Variants in UPRT observed in about 807,000 individuals in gnomAD.
UPRT encodes the protein RP11-311P8.3.
In UPRT, 5 loss-of-function variants were observed where a neutral mutation model predicts 22.6. The observed-to-expected ratio is 0.22, with a 90% CI of 0.12 to 0.47. UPRT has a LOEUF of 0.47. Ranked by LOEUF, UPRT falls within the 20% of genes least tolerant of loss-of-function variation. The probability of loss-of-function intolerance (pLI) is 0.99; values close to 1 mark genes in which losing one functional copy is unlikely to be tolerated. For synonymous variants in UPRT, 77 were observed against 87.7 expected, an observed-to-expected ratio of 0.88 and a Z score of 0.68; for missense variants, 181 against 239.9, an observed-to-expected ratio of 0.75 and a Z score of 1.62.
At chrX:75,270,212 C>T (rs886310919), upstream of UPRT, among the ~76,000 whole-genome samples, 2 of 111,735 alleles carry the variant, frequency 1.8e-5, no homozygotes, top group Non-Finnish European at 3.8e-5. Context: ...AACATACCAT[C>T]GCACGCCAAT....
chrX:75,180,376 A>C (rs184008616), intron 4 of UPRT, among the ~76,000 whole-genome samples: 1 of 111,740 alleles, frequency 8.9e-6, no homozygotes, highest in Admixed American at 9.5e-5. Context: ...AGGTAAGCTC[A>C]AGTCATTCTC....
At chrX:75,295,743 G>A (rs1028165103) in intron 2 of UPRT, among the ~76,000 whole-genome samples, 4 of 111,738 alleles carry the variant, frequency 3.6e-5, no homozygotes, top group Admixed American at 2.9e-4. Flanking sequence ...TAGTAGTTCT[G>A]AGTGATGCTT....
At chrX:75,258,329 G>T (rs950281080) in intron 4 of UPRT, among the ~76,000 whole-genome samples, 1 of 108,691 alleles carries the variant, frequency 9.2e-6, no homozygotes, top group Non-Finnish European at 1.9e-5. Context: ...GTCTGGCTTG[G>T]CAGGTCCCAC....
chrX:75,240,981 G>C (rs1055676529), intron 4 of UPRT, among the ~76,000 whole-genome samples: 2 of 110,904 alleles, frequency 1.8e-5, no homozygotes, highest in Admixed American at 9.7e-5. Context: ...AATTCTAGAA[G>C]ATAACATCAG....
At chrX:75,255,344 C>T (rs1434557456) in intron 4 of UPRT, among the ~76,000 whole-genome samples, 1 of 111,998 alleles carries the variant, frequency 8.9e-6, no homozygotes, top group Admixed American at 9.5e-5. Context: ...GCTACAAGAA[C>T]TGCTAAAAGG....
chrX:75,234,456 ACT>A (rs1374609825), intron 4 of UPRT, among the ~76,000 whole-genome samples: 1 of 111,247 alleles, frequency 9.0e-6, no homozygotes, highest in Non-Finnish European at 1.9e-5. Flanking sequence ...TCTACAGAAC[ACT>A]CTACCCCAAA....
intron 4 of UPRT, among the ~76,000 whole-genome samples, chrX:75,190,975 C>G (rs773099320): frequency 8.9e-6 from 1 of 111,740 alleles, no homozygotes; most frequent in Non-Finnish European, 1.9e-5. Flanking sequence ...CTTCTCTCAA[C>G]TTGTGAAAGT....
intron 6 of UPRT, among the ~76,000 whole-genome samples, chrX:75,302,142 G>A (rs1424817056): frequency 9.0e-6 from 1 of 111,028 alleles, no homozygotes; most frequent in Non-Finnish European, 1.9e-5. Flanking sequence ...GGGAAAGCTG[G>A]TTTCAGTAGG....
intron 1 of UPRT, among the ~76,000 whole-genome samples, chrX:75,159,879 C>T (rs1217603535): frequency 7.6e-5 from 8 of 105,039 alleles, no homozygotes; most frequent in Non-Finnish European, 1.4e-4. Context: ...CGGGTTCAAG[C>T]GATTCTCCTG....
intron 4 of UPRT, among the ~76,000 whole-genome samples, chrX:75,213,347 A>G (rs2082384729): frequency 8.9e-6 from 1 of 112,463 alleles, no homozygotes. Flanking sequence ...AAACATTGAT[A>G]TAAATGTGTC....
At chrX:75,248,551 G>A (rs182926431) in intron 4 of UPRT, among the ~76,000 whole-genome samples, 5 of 111,789 alleles carry the variant, frequency 4.5e-5, no homozygotes, top group African/African-American at 1.6e-4. Flanking sequence ...AAGAAATATG[G>A]GACTATGTGA....
chrX:75,166,826 T>C (rs992323595), intron 3 of UPRT, among the ~76,000 whole-genome samples: 1 of 112,177 alleles, frequency 8.9e-6, no homozygotes, highest in African/African-American at 3.2e-5. Flanking sequence ...AATGGAATCA[T>C]ATAGTTATTT....
chrX:75,196,412 T>C (rs1237640268), intron 4 of UPRT, among the ~76,000 whole-genome samples: 1 of 112,768 alleles, frequency 8.9e-6, no homozygotes, highest in Non-Finnish European at 1.9e-5. Flanking sequence ...AGACGAATTA[T>C]TGATCAAAAG....
intron 4 of UPRT, among the ~76,000 whole-genome samples, chrX:75,267,938 C>CA (rs1197079082): frequency 9.0e-6 from 1 of 110,689 alleles, no homozygotes; most frequent in Admixed American, 9.7e-5. Flanking sequence ...GATAGAGACA[C>CA]AAAAAACCCT....
intron 4 of UPRT, among the ~76,000 whole-genome samples, chrX:75,224,704 T>C (rs755169968): frequency 2.7e-5 from 3 of 111,936 alleles, no homozygotes; most frequent in Non-Finnish European, 3.8e-5. Context: ...GTAGTACTTA[T>C]TCTGAACCCA....
chrX:75,231,466 C>T (rs912414132), intron 4 of UPRT, among the ~76,000 whole-genome samples: 1 of 112,184 alleles, frequency 8.9e-6, no homozygotes, highest in Non-Finnish European at 1.9e-5. Context: ...GATGACCAAA[C>T]ATAAGAATAA....
At chrX:75,288,847 G>C (rs1361292164) in intron 1 of UPRT, among the ~76,000 whole-genome samples, 1 of 111,319 alleles carries the variant, frequency 9.0e-6, no homozygotes, top group Non-Finnish European at 1.9e-5. Flanking sequence ...GAGCTATCAG[G>C]CAAGAGAAAT....
chrX:75,275,544 T>C (rs1193433223), intron 1 of UPRT, among the ~76,000 whole-genome samples: 1 of 111,361 alleles, frequency 9.0e-6, no homozygotes, highest in African/African-American at 3.3e-5. Context: ...TCTTACACTA[T>C]TGTAATAATA....
intron 4 of UPRT, among the ~76,000 whole-genome samples, chrX:75,250,789 G>T (rs2082526549): frequency 8.9e-6 from 1 of 111,876 alleles, no homozygotes; most frequent in Admixed American, 9.5e-5. Context: ...TATCCTTAAT[G>T]AACATTGATG....
Sources: allele counts gnomAD v4.1 joint callset (sites outside exome capture counted in the v4.1 genomes callset), GRCh38; gene constraint gnomAD v4.1.1; transcripts MANE v1.5; gene names NCBI Gene and HGNC (gene_info 2026-07-23, HGNC 2026-07-21).